Variants in MALRD1 observed in about 807,000 individuals in gnomAD.
MALRD1 encodes MAM and LDL-receptor class A domain-containing protein 1.
In MALRD1, 247 loss-of-function variants were observed where a neutral mutation model predicts 242.1. That is an observed-to-expected ratio of 1.02 (90% CI 0.92 to 1.13). The LOEUF (loss-of-function observed/expected upper bound fraction) is 1.13. Among genes scored for constraint, MALRD1 ranks in the 50% most tolerant of loss-of-function variants. MALRD1 has a pLI of 0.00. For synonymous variants in MALRD1, 995 were observed against 866.6 expected (o/e 1.15, Z -2.60); for missense variants, 2,989 against 2,533.1 (o/e 1.18, Z -3.86).
chr10:19,463,668 A>G (rs915123297), intron 29 of MALRD1, among the ~76,000 whole-genome samples: 10 of 152,078 alleles, frequency 6.6e-5, no homozygotes, highest in African/African-American at 1.9e-4. Context: ...CTGTGCTGCT[A>G]TAAACATGCG....
At chr10:19,248,386 G>C (rs1214767318) in intron 18 of MALRD1, among the ~76,000 whole-genome samples, 1 of 138,154 alleles carries the variant, frequency 7.2e-6, no homozygotes, top group Non-Finnish European at 1.6e-5. Context: ...ATATTAAGGT[G>C]CCATGAAAAA....
intron 36 of MALRD1, among the ~76,000 whole-genome samples, chr10:19,684,576 C>A (rs1327592391): frequency 4.6e-5 from 7 of 151,870 alleles, no homozygotes; most frequent in Non-Finnish European, 8.8e-5. Flanking sequence ...GTCAACATGG[C>A]GAAACCCCGT....
intron 13 of MALRD1, among the ~76,000 whole-genome samples, chr10:19,169,024 A>G (rs1834812580): frequency 6.6e-6 from 1 of 152,192 alleles, no homozygotes; most frequent in Non-Finnish European, 1.5e-5. Context: ...CAGCCCTATA[A>G]TATCCAATCA....
At chr10:19,210,790 A>G (rs1837014782) in intron 18 of MALRD1, among the ~76,000 whole-genome samples, 1 of 152,208 alleles carries the variant, frequency 6.6e-6, no homozygotes, top group Non-Finnish European at 1.5e-5. Context: ...AAGCATGAGA[A>G]CGAATCCCCC....
intron 18 of MALRD1, among the ~76,000 whole-genome samples, chr10:19,249,882 A>G (rs1039913422): frequency 6.6e-6 from 1 of 151,672 alleles, no homozygotes; most frequent in African/African-American, 2.4e-5. Flanking sequence ...ATTTTTTTTT[A>G]TTTCTGCTTT....
intron 1 of MALRD1, among the ~76,000 whole-genome samples, chr10:19,065,311 G>GAAAAAAAAAAAAA (rs1590378950): frequency 1.9e-5 from 2 of 103,266 alleles, no homozygotes; most frequent in African/African-American, 7.6e-5. Flanking sequence ...AAAAAAAAAG[G>GAAAAAAAAAAAAA]AAGAAAGAAA....
At chr10:19,304,874 T>A (rs1842099776) in intron 21 of MALRD1, among the ~76,000 whole-genome samples, 1 of 151,804 alleles carries the variant, frequency 6.6e-6, no homozygotes, top group African/African-American at 2.4e-5. Flanking sequence ...TCACTGATTA[T>A]TGTCTATTTG....
chr10:19,357,901 T>A (rs1844705832), intron 26 of MALRD1, among the ~76,000 whole-genome samples: 1 of 152,094 alleles, frequency 6.6e-6, no homozygotes, highest in Non-Finnish European at 1.5e-5. Flanking sequence ...TTGAGCAGAA[T>A]CTGGAATCAG....
intron 2 of MALRD1, among the ~76,000 whole-genome samples, chr10:19,073,997 A>T (rs1259929682): frequency 1.3e-5 from 2 of 152,134 alleles, no homozygotes; most frequent in African/African-American, 4.8e-5. Flanking sequence ...AATGGAAAGA[A>T]CCACATAAGG....
intron 18 of MALRD1, among the ~76,000 whole-genome samples, chr10:19,254,358 G>T (rs1364714047): frequency 1.3e-5 from 2 of 151,964 alleles, no homozygotes; most frequent in African/African-American, 4.8e-5. Flanking sequence ...CTTACCAGTT[G>T]GGAGATATTT....
At chr10:19,183,039 A>G (rs866631482) in intron 14 of MALRD1, among the ~76,000 whole-genome samples, 12 of 152,048 alleles carry the variant, frequency 7.9e-5, no homozygotes, top group Admixed American at 3.9e-4. Context: ...TATTTGGATA[A>G]TGGACCCACC....
At chr10:19,068,869 T>C (rs1835057940) in intron 2 of MALRD1, among the ~76,000 whole-genome samples, 1 of 152,126 alleles carries the variant, frequency 6.6e-6, no homozygotes, top group Admixed American at 6.6e-5. Flanking sequence ...AGTTTGAGAA[T>C]CCATTAGAAC....
intron 14 of MALRD1, among the ~76,000 whole-genome samples, chr10:19,193,658 A>C (rs141669217): frequency 3.1e-4 from 47 of 152,324 alleles, no homozygotes; most frequent in African/African-American, 1.1e-3. Context: ...AGTAGCGTTA[A>C]TATAAATAAT....
chr10:19,546,794 T>C (rs1835226620), intron 32 of MALRD1, among the ~76,000 whole-genome samples: 1 of 152,204 alleles, frequency 6.6e-6, no homozygotes, highest in East Asian at 1.9e-4. Context: ...ATCCTGATTT[T>C]CCATTGCTTC....
intron 28 of MALRD1, among the ~76,000 whole-genome samples, chr10:19,423,694 G>A (rs1057040633): frequency 6.6e-6 from 1 of 152,008 alleles, no homozygotes; most frequent in Non-Finnish European, 1.5e-5. Flanking sequence ...AGAAATTAGG[G>A]GATTGAGTCC....
chr10:19,419,439 T>G (rs1263760175), intron 28 of MALRD1, among the ~76,000 whole-genome samples: 2 of 152,092 alleles, frequency 1.3e-5, no homozygotes, highest in African/African-American at 4.8e-5. Context: ...TGACTACAGG[T>G]GCATGCCACC....
intron 28 of MALRD1, among the ~76,000 whole-genome samples, chr10:19,414,806 T>G (rs1002383011): frequency 6.4e-5 from 9 of 139,928 alleles, no homozygotes; most frequent in Non-Finnish European, 1.5e-4. Flanking sequence ...GGCTAGCAAT[T>G]TCATGGAGTT....
chr10:19,213,360 T>C (rs1001112729), intron 18 of MALRD1, among the ~76,000 whole-genome samples: 1 of 152,168 alleles, frequency 6.6e-6, no homozygotes, highest in African/African-American at 2.4e-5. Flanking sequence ...CAGCCTACCA[T>C]GTAGCTGGGA....
chr10:19,142,798 A>G (rs868644542), intron 10 of MALRD1, among the ~76,000 whole-genome samples: 1 of 152,212 alleles, frequency 6.6e-6, no homozygotes, highest in South Asian at 2.1e-4. Context: ...GCCAGAATGC[A>G]TTTGACTCTC....
Sources: gnomAD v4.1 joint callset for allele counts (sites outside exome capture counted in the v4.1 genomes callset) on GRCh38, gnomAD v4.1.1 for gene constraint, MANE v1.5 for transcripts, NCBI Gene and HGNC (gene_info 2026-07-23, HGNC 2026-07-21) for gene names.